The following SGK1 variants were observed in gnomAD, a reference collection of about 807,000 sequenced individuals.
The protein encoded by SGK1 is serine/threonine-protein kinase Sgk1.
SGK1 carries 26 observed loss-of-function variants against 64.2 expected under a neutral mutation model. That is an observed-to-expected ratio of 0.40 (90% CI 0.30 to 0.56). The LOEUF (loss-of-function observed/expected upper bound fraction) is 0.56. Among genes scored for constraint, SGK1 ranks in the 20% least tolerant of loss-of-function variants. The probability of loss-of-function intolerance (pLI) is 0.38; values close to 1 mark genes in which losing one functional copy is unlikely to be tolerated. For missense variants in SGK1, 519 were observed against 645.6 expected, an observed-to-expected ratio of 0.80 and a Z score of 2.12; for synonymous variants, 265 against 239.7, an observed-to-expected ratio of 1.11 and a Z score of -0.98.
Position 134,174,525 on chromosome 6 carries a change from G to C in SGK1, c.423C>G (p.Ser141=), listed in dbSNP as rs745590345. 4 of 1,612,726 alleles carry C rather than the reference G, an allele frequency of 2.5e-6. No homozygotes were observed. Among genetic ancestry groups the C allele is most frequent in the East Asian group, 4.5e-5 (2 of 44,882 alleles). ...NDFIQKIANN[S]YACKHPEVQS... ...GTCAAACTTACTGTTTGCATGCATA[G>C]GAGTTATTGGCAATCTTCTGAATAA... Residue 141 remains serine, a synonymous_variant, in exon 4 of 14, where the codon TCC becomes TCG. Transcript: ENST00000367858.
At chr6:134,242,718 G>A (rs939579091) in intron 2 of SGK1, among the ~76,000 whole-genome samples, 1 of 151,630 alleles carries the variant, frequency 6.6e-6, no homozygotes, top group African/African-American at 2.4e-5. Context: ...TCCCTCCTTG[G>A]CTTCCCCAAG....
chr6:134,285,532 A>AT (rs370972130), intron 1 of SGK1, among the ~76,000 whole-genome samples: 15,888 of 139,394 alleles, frequency 0.11, 1,140 homozygotes, highest in African/African-American at 0.21. Context: ...ACCAGCATCA[A>AT]TTTTTTTTTT....
At chr6:134,235,151 G>A (rs947825334) in intron 2 of SGK1, among the ~76,000 whole-genome samples, 1 of 152,158 alleles carries the variant, frequency 6.6e-6, no homozygotes, top group African/African-American at 2.4e-5. Context: ...GGCTTTGTTC[G>A]ACACAGTAAA....
At chr6:134,251,469 A>C (rs1776604943) in intron 2 of SGK1, among the ~76,000 whole-genome samples, 1 of 152,196 alleles carries the variant, frequency 6.6e-6, no homozygotes, top group African/African-American at 2.4e-5. Flanking sequence ...AAAAGCCAAC[A>C]AAATATGCTC....
intron 2 of SGK1, among the ~76,000 whole-genome samples, chr6:134,226,839 C>A (rs13211966): frequency 3.0e-3 from 460 of 152,250 alleles, no homozygotes; most frequent in Non-Finnish European, 5.7e-3. Context: ...GCTCATGCCA[C>A]CATGCTTGGC....
At chr6:134,192,655 TG>T (rs1047832436) in intron 3 of SGK1, among the ~76,000 whole-genome samples, 1 of 145,982 alleles carries the variant, frequency 6.9e-6, no homozygotes, top group African/African-American at 2.5e-5. Context: ...CTGCAAACTC[TG>T]CCTCCCGGGT....
intron 1 of SGK1, among the ~76,000 whole-genome samples, chr6:134,275,091 G>A (rs897892870): frequency 1.7e-4 from 26 of 152,268 alleles, no homozygotes; most frequent in African/African-American, 6.0e-4. Context: ...TTACAGGCGT[G>A]AGCCACAGCG....
chr6:134,299,795 C>T (rs1170275143), intron 1 of SGK1, among the ~76,000 whole-genome samples: 6 of 141,962 alleles, frequency 4.2e-5, no homozygotes, highest in Non-Finnish European at 7.5e-5. Context: ...CTTTTCCAAT[C>T]CCTGTGACTT....
rs1441933398 is a variant in SGK1, at chr6:134,264,644, T to TTA, written c.70-2497_70-2496insTA. On this transcript the variant is annotated intron_variant, in intron 1 of 13. Transcript: ENST00000367858. ...GATGCTACAATTATTATTATTATTA[T>TTA]TTTTGTTGTTGTTGTTGTTAAAGGG... 2.6e-3 allele frequency among the ~76,000 whole-genome samples: 390 copies of TTA among 149,796 alleles called. 1 individual carries two copies. Among genetic ancestry groups the TTA allele is most frequent in the African/African-American group, 9.1e-3 (359 of 39,284 alleles).
At chr6:134,288,691 G>A (rs997689299) in intron 1 of SGK1, among the ~76,000 whole-genome samples, 1 of 138,590 alleles carries the variant, frequency 7.2e-6, no homozygotes, top group Non-Finnish European at 1.5e-5. Context: ...TTACAGAGGC[G>A]GTATTCGGAA....
intron 1 of SGK1, among the ~76,000 whole-genome samples, chr6:134,300,723 C>T (rs1777440894): frequency 6.7e-6 from 1 of 149,132 alleles, no homozygotes; most frequent in Admixed American, 6.7e-5. Context: ...ACCTCCACCT[C>T]CTGGGTTCAA....
chr6:134,240,462 T>C (rs1776426398), intron 2 of SGK1, among the ~76,000 whole-genome samples: 1 of 150,456 alleles, frequency 6.6e-6, no homozygotes, highest in Non-Finnish European at 1.5e-5. Context: ...GGGAAAGGCA[T>C]TTTGGCCAGT....
chr6:134,288,675 A>G (rs1224618932), intron 1 of SGK1, among the ~76,000 whole-genome samples: 1 of 151,410 alleles, frequency 6.6e-6, no homozygotes, highest in Non-Finnish European at 1.5e-5. Context: ...AAAACAATTC[A>G]TAAAATTACA....
chr6:134,309,568 C>T (rs1777582061), intron 1 of SGK1, among the ~76,000 whole-genome samples: 2 of 152,016 alleles, frequency 1.3e-5, no homozygotes, highest in African/African-American at 4.8e-5. Flanking sequence ...GAGTGAGGTC[C>T]AGAACCACCT....
chr6:134,206,375 ATATATATATTTTTTTTTTTTTTTTTTT>A (rs1285638567), intron 3 of SGK1, among the ~76,000 whole-genome samples: 20 of 4,248 alleles, frequency 4.7e-3, no homozygotes, highest in African/African-American at 0.011. Flanking sequence ...ATATATATAT[ATATATATATTTTTTTTTTTTTTTTTTT>A]TTTTTAAATG....
At chr6:134,223,507 T>C (rs1264132237) in intron 2 of SGK1, among the ~76,000 whole-genome samples, 3 of 152,162 alleles carry the variant, frequency 2.0e-5, no homozygotes, top group Non-Finnish European at 4.4e-5. Context: ...TATTCCTTAG[T>C]GTTTTTCTCC....
At chr6:134,302,488 G>A (rs1777473152) in intron 1 of SGK1, among the ~76,000 whole-genome samples, 1 of 152,180 alleles carries the variant, frequency 6.6e-6, no homozygotes, top group Non-Finnish European at 1.5e-5. Context: ...TTTGAGAAAT[G>A]ACCTTTAATC....
rs1178699258 is a variant in SGK1, at chr6:134,198,726, A to ATTTT, written c.361+8626_361+8629dup. On this transcript the variant is annotated intron_variant, in intron 3 of 13. Transcript: ENST00000367858. ...TTTTTTCTTCTTTTTCTCTTTTTCT[A>ATTTT]TTTTTTTTTTTTTTTTTTTTGAAAA... Among the ~76,000 whole-genome samples the ATTTT allele has an allele frequency of 1.9e-4, 19 of 101,788 alleles. 2 individuals are homozygous for ATTTT. The highest frequency in any genetic ancestry group is 4.1e-4 in the African/African-American group (11 of 26,996). The allele number at this position is 101,788 out of a possible 152,430, so 66.8% of individuals were successfully genotyped here. A position where few individuals can be genotyped will look rare whatever the true frequency, so the allele number is the denominator to read the frequency against.
chr6:134,278,014 T>C (rs1441198314), intron 1 of SGK1, among the ~76,000 whole-genome samples: 5 of 152,228 alleles, frequency 3.3e-5, no homozygotes, highest in African/African-American at 4.8e-5. Flanking sequence ...ACTGAATTCA[T>C]GTGAACTTGA....
Sources: gnomAD v4.1 joint callset for allele counts (sites outside exome capture counted in the v4.1 genomes callset) on GRCh38, gnomAD v4.1.1 for gene constraint, MANE v1.5 for transcripts, NCBI Gene and HGNC (gene_info 2026-07-23, HGNC 2026-07-21) for gene names.